The following PTPRD variants were observed in gnomAD, a reference collection of about 807,000 sequenced individuals.
PTPRD encodes the protein receptor-type tyrosine-protein phosphatase delta.
Under a neutral mutation model 214.5 loss-of-function variants are expected in PTPRD, and 34 were observed. That is an observed-to-expected ratio of 0.16 (90% CI 0.12 to 0.21). The LOEUF (loss-of-function observed/expected upper bound fraction) is 0.21. Ranked by LOEUF, PTPRD falls within the 10% of genes least tolerant of loss-of-function variation. The pLI, the probability that PTPRD is intolerant of heterozygous loss-of-function variation, is 1.00. For missense variants in PTPRD, 2,545 were observed against 2,398.7 expected (o/e 1.06, Z -1.27); for synonymous variants, 1,128 against 845.7 (o/e 1.33, Z -5.79).
intron 5 of PTPRD, among the ~76,000 whole-genome samples, chr9:9,826,633 T>TC (rs2052962520): frequency 3.9e-5 from 6 of 152,062 alleles, no homozygotes; most frequent in Admixed American, 2.0e-4. Flanking sequence ...ATACTTAGTG[T>TC]CCTTAGTAGT....
At chr9:8,828,896 G>C (rs2097226679) in intron 11 of PTPRD, among the ~76,000 whole-genome samples, 1 of 151,920 alleles carries the variant, frequency 6.6e-6, no homozygotes, top group Non-Finnish European at 1.5e-5. Flanking sequence ...AATAACTTAG[G>C]GTGCGTTCAT....
intron 9 of PTPRD, among the ~76,000 whole-genome samples, chr9:9,204,216 C>T (rs2132440953): frequency 6.6e-6 from 1 of 152,300 alleles, no homozygotes; most frequent in Admixed American, 6.5e-5. Context: ...GGTAAATCTG[C>T]TTTGCAGAAA....
chr9:9,713,296 GA>G (rs1416296571), intron 7 of PTPRD, among the ~76,000 whole-genome samples: 2 of 152,058 alleles, frequency 1.3e-5, no homozygotes. Context: ...CATAGACCAA[GA>G]AAATTAGAAT....
At chr9:10,410,194 T>C (rs761877160) in intron 2 of PTPRD, among the ~76,000 whole-genome samples, 23 of 148,724 alleles carry the variant, frequency 1.5e-4, no homozygotes, top group Admixed American at 3.4e-4. Context: ...TCTTCTTTTC[T>C]AAAGACTTTC....
intron 14 of PTPRD, among the ~76,000 whole-genome samples, chr9:8,624,483 C>T (rs1362187554): frequency 6.6e-6 from 1 of 151,816 alleles, no homozygotes; most frequent in African/African-American, 2.4e-5. Flanking sequence ...ATGTGCCTAG[C>T]ACTATTCTAG....
At chr9:10,607,424 T>C (rs934022250) in intron 2 of PTPRD, among the ~76,000 whole-genome samples, 53 of 151,998 alleles carry the variant, frequency 3.5e-4, no homozygotes, top group African/African-American at 1.0e-3. Context: ...TTTCACTAAG[T>C]CCTATTTTGA....
At chr9:9,713,537 A>C (rs557835386) in intron 7 of PTPRD, among the ~76,000 whole-genome samples, 1 of 152,294 alleles carries the variant, frequency 6.6e-6, no homozygotes, top group South Asian at 2.1e-4. Context: ...TAGGGTTCAA[A>C]GCATAAATGA....
intron 9 of PTPRD, among the ~76,000 whole-genome samples, chr9:9,251,679 A>T (rs1295366179): frequency 2.6e-5 from 4 of 152,072 alleles, no homozygotes; most frequent in Non-Finnish European, 4.4e-5. Context: ...TTAGGATAAG[A>T]AGTGTCTTCT....
intron 11 of PTPRD, among the ~76,000 whole-genome samples, chr9:8,777,998 A>C (rs2095551057): frequency 6.6e-6 from 1 of 152,210 alleles, no homozygotes; most frequent in Non-Finnish European, 1.5e-5. Flanking sequence ...TTCAAAACAA[A>C]ATACAATGTC....
At chr9:10,279,039 G>A (rs1195688153) in intron 3 of PTPRD, among the ~76,000 whole-genome samples, 2 of 152,150 alleles carry the variant, frequency 1.3e-5, no homozygotes, top group Non-Finnish European at 2.9e-5. Context: ...CTCCCAAAGT[G>A]CTGGGCTCAC....
intron 14 of PTPRD, among the ~76,000 whole-genome samples, chr9:8,629,008 C>A (rs1470598530): frequency 6.6e-6 from 1 of 151,664 alleles, no homozygotes; most frequent in East Asian, 1.9e-4. Context: ...TGGGGCAGTG[C>A]TATTTGAGAA....
At chr9:9,351,860 C>G (rs1429700046) in intron 9 of PTPRD, among the ~76,000 whole-genome samples, 1 of 151,916 alleles carries the variant, frequency 6.6e-6, no homozygotes, top group East Asian at 1.9e-4. Context: ...CTGTATCCGT[C>G]CATTGGAGAT....
At chr9:10,005,007 A>G (rs2096441065) in intron 4 of PTPRD, among the ~76,000 whole-genome samples, 1 of 152,158 alleles carries the variant, frequency 6.6e-6, no homozygotes, top group Non-Finnish European at 1.5e-5. Context: ...CTTAATACTA[A>G]TGGAAAAACT....
chr9:10,079,148 G>A (rs867008620), intron 3 of PTPRD, among the ~76,000 whole-genome samples: 1 of 151,920 alleles, frequency 6.6e-6, no homozygotes, highest in Admixed American at 6.6e-5. Context: ...CCTCTAAGCT[G>A]ATTTCAAATA....
intron 14 of PTPRD, among the ~76,000 whole-genome samples, chr9:8,550,849 T>C (rs2081880283): frequency 6.6e-6 from 1 of 152,200 alleles, no homozygotes; most frequent in Non-Finnish European, 1.5e-5. Flanking sequence ...GGTCAGGCTC[T>C]TTAGAGAAAT....
At chr9:8,513,880 G>C (rs2097731098) in intron 21 of PTPRD, among the ~76,000 whole-genome samples, 1 of 152,010 alleles carries the variant, frequency 6.6e-6, no homozygotes, top group African/African-American at 2.4e-5. Flanking sequence ...AGCTTGGCAG[G>C]CAGTCATTAC....
intron 12 of PTPRD, among the ~76,000 whole-genome samples, chr9:8,724,330 G>C (rs1268157378): frequency 2.0e-5 from 3 of 152,102 alleles, no homozygotes; most frequent in Non-Finnish European, 4.4e-5. Context: ...TTAGAATAAT[G>C]CTTCTTCACA....
chr9:9,625,409 C>T (rs908344324), intron 7 of PTPRD, among the ~76,000 whole-genome samples: 2 of 152,120 alleles, frequency 1.3e-5, no homozygotes, highest in East Asian at 3.9e-4. Flanking sequence ...AGTACGTCTT[C>T]GCACTGTATT....
At chr9:9,264,050 C>A (rs1405924111) in intron 9 of PTPRD, among the ~76,000 whole-genome samples, 1 of 151,622 alleles carries the variant, frequency 6.6e-6, no homozygotes, top group Admixed American at 6.6e-5. Context: ...TTCCTGAAGC[C>A]AGTCAGTAAT....
Sources: allele counts gnomAD v4.1 joint callset (sites outside exome capture counted in the v4.1 genomes callset), GRCh38; gene constraint gnomAD v4.1.1; transcripts MANE v1.5; gene names NCBI Gene and HGNC (gene_info 2026-07-23, HGNC 2026-07-21).